SHANK2: variants seen among roughly 807,000 people sequenced by gnomAD.
SHANK2 encodes the protein SH3 and multiple ankyrin repeat domains 2.
SHANK2 carries 43 observed loss-of-function variants against 133.7 expected under a neutral mutation model. That is an observed-to-expected ratio of 0.32 (90% CI 0.25 to 0.41). The LOEUF is 0.41. Among genes scored for constraint, SHANK2 ranks in the 10% least tolerant of loss-of-function variants. The pLI is 1.00. For synonymous variants in SHANK2, 1,017 were observed against 952.8 expected (o/e 1.07, Z -1.24); for missense variants, 1,994 against 2,235.8 (o/e 0.89, Z 2.18).
chr11:70,952,964 A>G, intron 10 of SHANK2: 1 of 206,454 alleles, frequency 4.8e-6, no homozygotes, highest in Non-Finnish European at 1.0e-5. Flanking sequence ...GCTCTAGGGG[A>G]GGGTCCTTCC....
chr11:71,134,805 G>A (rs1348524210), intron 3 of SHANK2, among the ~76,000 whole-genome samples: 15 of 152,142 alleles, frequency 9.9e-5, no homozygotes, highest in Middle Eastern at 3.2e-3. Context: ...ATAGGGAAGC[G>A]TCTGTGGGTC....
chr11:70,663,203 G>A (rs1157409847), intron 15 of SHANK2, among the ~76,000 whole-genome samples: 1 of 152,206 alleles, frequency 6.6e-6, no homozygotes, highest in African/African-American at 2.4e-5. Context: ...TGTGCTGACG[G>A]ACTCTTGGTC....
At chr11:70,801,769 G>C (rs959231069) in intron 13 of SHANK2, among the ~76,000 whole-genome samples, 1 of 152,164 alleles carries the variant, frequency 6.6e-6, no homozygotes, top group Non-Finnish European at 1.5e-5. Context: ...ACTCCATGTG[G>C]AACACTAGGG....
chr11:70,874,450 C>T (rs1312453861), intron 11 of SHANK2, among the ~76,000 whole-genome samples: 3 of 152,176 alleles, frequency 2.0e-5, no homozygotes, highest in Non-Finnish European at 4.4e-5. Context: ...TCAAGCAACC[C>T]TCCTGCCTCA....
rs541615366 is a variant in SHANK2 at position 70,943,907 on chromosome 11, C to A, written c.1108-47340G>T. ...TATTTGTAAATAGCAAACATCTGAT[C>A]ATCCGTCTTGATTTCCTTCTGTTTA... On this transcript the variant is annotated intron_variant, in intron 10 of 25. Transcript: ENST00000601538. 2.4e-5 allele frequency: 11 copies of A among 456,256 alleles called. No homozygotes were observed. The East Asian group carries it at 7.7e-4, about 32-fold the overall frequency. The allele number at this position is 456,256 out of a possible 1,614,324, so 28.3% of individuals were successfully genotyped here. A position where few individuals can be genotyped will look rare whatever the true frequency, so the allele number is the denominator to read the frequency against.
intron 8 of SHANK2, among the ~76,000 whole-genome samples, chr11:71,081,597 C>G (rs1248819971): frequency 2.6e-5 from 4 of 152,276 alleles, no homozygotes; most frequent in African/African-American, 9.6e-5. Context: ...CACCCATCCC[C>G]TCTCCTGTTC....
intron 11 of SHANK2, among the ~76,000 whole-genome samples, chr11:70,839,818 G>GTT (rs1555061102): frequency 6.6e-6 from 1 of 152,194 alleles, no homozygotes; most frequent in African/African-American, 2.4e-5. Flanking sequence ...GAATCCAAAT[G>GTT]CACATTTATA....
At chr11:70,774,945 G>C (rs1386336203) in intron 14 of SHANK2, among the ~76,000 whole-genome samples, 1 of 152,068 alleles carries the variant, frequency 6.6e-6, no homozygotes, top group Non-Finnish European at 1.5e-5. Context: ...GACTGCTTGA[G>C]GCCAAGAGTG....
intron 11 of SHANK2, among the ~76,000 whole-genome samples, chr11:70,890,206 T>G (rs1033848324): frequency 6.6e-6 from 1 of 152,144 alleles, no homozygotes; most frequent in Non-Finnish European, 1.5e-5. Flanking sequence ...AGGTGCTCAA[T>G]GAAGACTTGT....
intron 14 of SHANK2, among the ~76,000 whole-genome samples, chr11:70,752,773 A>G (rs1946782252): frequency 6.6e-6 from 1 of 151,878 alleles, no homozygotes; most frequent in Non-Finnish European, 1.5e-5. Context: ...CAGTATAATA[A>G]TACCTAATGC....
At chr11:70,495,141 C>G (rs1431039675) in intron 21 of SHANK2, among the ~76,000 whole-genome samples, 1 of 152,194 alleles carries the variant, frequency 6.6e-6, no homozygotes, top group Non-Finnish European at 1.5e-5. Flanking sequence ...GGCCCTCATC[C>G]CAGCTCCTCC....
chr11:71,157,875 C>A (rs1952933784), intron 2 of SHANK2, among the ~76,000 whole-genome samples: 1 of 152,152 alleles, frequency 6.6e-6, no homozygotes, highest in Non-Finnish European at 1.5e-5. Flanking sequence ...GAGAAGGAAA[C>A]CAATCAAGAC....
At chr11:70,769,864 A>G (rs1460651548) in intron 14 of SHANK2, among the ~76,000 whole-genome samples, 5 of 152,010 alleles carry the variant, frequency 3.3e-5, no homozygotes, top group African/African-American at 7.2e-5. Flanking sequence ...CTGCTACTCA[A>G]TGAGGTCTGT....
At chr11:70,693,748 G>GT (rs1323401220) in intron 15 of SHANK2, among the ~76,000 whole-genome samples, 1 of 152,130 alleles carries the variant, frequency 6.6e-6, no homozygotes, top group Non-Finnish European at 1.5e-5. Flanking sequence ...CAGTGGTTGG[G>GT]TGGATGGGTG....
chr11:70,664,246 C>T (rs1189732087), intron 15 of SHANK2, among the ~76,000 whole-genome samples: 1 of 152,304 alleles, frequency 6.6e-6, no homozygotes, highest in Admixed American at 6.5e-5. Flanking sequence ...CTTCTAGTCA[C>T]CACCCATTTT....
At chr11:70,668,515 G>A (rs1482766441) in intron 15 of SHANK2, 1 of 152,334 alleles carries the variant, frequency 6.6e-6, no homozygotes, top group African/African-American at 2.4e-5. Flanking sequence ...TTGGACCTCT[G>A]GCCTCCAGGG....
rs1410734190 is a variant in SHANK2 at position 70,609,992 on chromosome 11, C to T, written c.2061+49836G>A. Among the ~76,000 whole-genome samples, 7 of 151,882 alleles carry T rather than the reference C, an allele frequency of 4.6e-5. 1 individual carries two copies. The highest frequency in any genetic ancestry group is 4.8e-5 in the African/African-American group (2 of 41,330). Reference sequence around the variant, plus strand: ...TGTGATTTTATTTATAGGAAATATACGGAATCAGTGCATCCATAGAGACAG... The same window carrying T: ...TGTGATTTTATTTATAGGAAATATATGGAATCAGTGCATCCATAGAGACAG... On this transcript the variant is annotated intron_variant, in intron 17 of 25. Coordinates refer to ENST00000601538, the MANE Select transcript of SHANK2 (RefSeq NM_012309.5).
At chr11:70,493,997 G>C (rs1458142088) in intron 21 of SHANK2, among the ~76,000 whole-genome samples, 1 of 152,180 alleles carries the variant, frequency 6.6e-6, no homozygotes, top group Admixed American at 6.5e-5. Flanking sequence ...CTGACCCACG[G>C]GCAAAGCTCC....
intron 2 of SHANK2, among the ~76,000 whole-genome samples, chr11:71,217,152 G>A (rs1445139100): frequency 2.0e-5 from 3 of 151,716 alleles, no homozygotes; most frequent in South Asian, 2.1e-4. Flanking sequence ...AGTCAAGATC[G>A]TGCCATTGCA....
Sources: allele counts gnomAD v4.1 joint callset (sites outside exome capture counted in the v4.1 genomes callset), GRCh38; gene constraint gnomAD v4.1.1; transcripts MANE v1.5; gene names NCBI Gene and HGNC (gene_info 2026-07-23, HGNC 2026-07-21).